PTPDC1: variants seen among roughly 807,000 people sequenced by gnomAD.
The protein encoded by PTPDC1 is protein tyrosine phosphatase domain-containing protein 1.
PTPDC1 carries 53 observed loss-of-function variants against 75.3 expected under a neutral mutation model. The observed-to-expected ratio is 0.70, with a 90% CI of 0.56 to 0.88. The LOEUF (loss-of-function observed/expected upper bound fraction) is 0.88. Ranked by LOEUF, PTPDC1 falls within the 40% of genes least tolerant of loss-of-function variation. The pLI is 0.00. For synonymous variants in PTPDC1, 349 were observed against 366.2 expected, an observed-to-expected ratio of 0.95 and a Z score of 0.54; for missense variants, 925 against 998.6, an observed-to-expected ratio of 0.93 and a Z score of 0.99.
At chr9:94,078,233 T>G (rs976670118) in intron 2 of PTPDC1, among the ~76,000 whole-genome samples, 5 of 152,238 alleles carry the variant, frequency 3.3e-5, no homozygotes, top group Non-Finnish European at 5.9e-5. Context: ...TTTGTTTACC[T>G]GGGAATTCCT....
intron 1 of PTPDC1, among the ~76,000 whole-genome samples, chr9:94,047,595 C>CA (rs1158490850): frequency 6.6e-6 from 1 of 151,992 alleles, no homozygotes; most frequent in Non-Finnish European, 1.5e-5. Context: ...AATAGAGACA[C>CA]AAAAAACCCT....
chr9:94,095,534 T>C (rs1827532285), intron 5 of PTPDC1, 80 bp downstream of exon 5: 5 of 1,178,212 alleles, frequency 4.2e-6, no homozygotes, highest in Non-Finnish European at 6.1e-6. Flanking sequence ...TGAGGGTAAA[T>C]GTTTCTCAGA....
chr9:94,076,816 AT>A (rs1167783944), intron 2 of PTPDC1, among the ~76,000 whole-genome samples: 3 of 150,922 alleles, frequency 2.0e-5, no homozygotes, highest in Non-Finnish European at 1.5e-5. Flanking sequence ...AAGGGCTCTC[AT>A]TTTTTTTTAC....
rs953852088 is a variant in PTPDC1 at position 94,102,900 on chromosome 9, G to T, written c.2199+1149G>T. The stretch of plus-strand genomic sequence containing the variant: ...GCCTGTTTTTGTTTTAACAAACAAT[G>T]TTATTGAATAACCAGCCTTGAGTTA... On this transcript the variant is annotated intron_variant, in intron 7 of 8. Coordinates refer to ENST00000620992, the MANE Select transcript of PTPDC1 (RefSeq NM_001253829.2). Among the ~76,000 whole-genome samples the T allele has an allele frequency of 2.6e-5, 4 of 152,012 alleles. No homozygotes were observed. In the East Asian group the frequency reaches 5.8e-4, roughly 22 times the overall value.
At chr9:94,035,311 G>A (rs1472143017) in intron 1 of PTPDC1, among the ~76,000 whole-genome samples, 1 of 152,068 alleles carries the variant, frequency 6.6e-6, no homozygotes, top group South Asian at 2.1e-4. Flanking sequence ...GTACCCTTTT[G>A]CCTTCATCTT....
At chr9:94,064,840 A>T (rs763459694) in intron 2 of PTPDC1, 1 of 1,573,636 alleles carries the variant, frequency 6.4e-7, no homozygotes, top group Admixed American at 1.7e-5. Flanking sequence ...TCTTTAATAC[A>T]CTTTTTGTCT....
intron 2 of PTPDC1, among the ~76,000 whole-genome samples, 176 bp from the exon 3 acceptor site, chr9:94,087,655 T>C (rs925935117): frequency 2.0e-5 from 3 of 152,204 alleles, no homozygotes; most frequent in African/African-American, 7.2e-5. Context: ...TTGTTTTGAT[T>C]TTATTGAACC....
intron 2 of PTPDC1, among the ~76,000 whole-genome samples, chr9:94,076,229 C>T (rs1386318735): frequency 6.6e-6 from 1 of 152,142 alleles, no homozygotes; most frequent in Non-Finnish European, 1.5e-5. Flanking sequence ...GTCTCTAACT[C>T]CCGGCCTCAG....
upstream of PTPDC1, among the ~76,000 whole-genome samples, chr9:94,080,105 T>C (rs910208053): frequency 1.1e-4 from 17 of 152,074 alleles, no homozygotes; most frequent in African/African-American, 3.6e-4. Context: ...TATTGGAACA[T>C]AGGCAGGATG....
At chr9:94,097,016 C>G (rs1381585583) in intron 5 of PTPDC1, among the ~76,000 whole-genome samples, 1 of 152,146 alleles carries the variant, frequency 6.6e-6, no homozygotes, top group Non-Finnish European at 1.5e-5. Flanking sequence ...AGTTTCCCTT[C>G]CCTCCTGCAC....
chr9:94,085,521 T>C, intron 2 of PTPDC1, 99 bp downstream of exon 2: 1 of 1,332,466 alleles, frequency 7.5e-7, no homozygotes, highest in Non-Finnish European at 1.0e-6. Context: ...AGTGTGGGAC[T>C]TTGAAGTCAG....
chr9:94,054,493 G>A (rs1025440695), intron 1 of PTPDC1, among the ~76,000 whole-genome samples: 1 of 152,166 alleles, frequency 6.6e-6, no homozygotes, highest in Non-Finnish European at 1.5e-5. Flanking sequence ...GGATTTTATA[G>A]TCTTACATTT....
intron 8 of PTPDC1, among the ~76,000 whole-genome samples, chr9:94,106,230 G>C (rs1206268064): frequency 6.6e-6 from 1 of 152,054 alleles, no homozygotes; most frequent in Non-Finnish European, 1.5e-5. Context: ...GTTTTCCTTG[G>C]GTCTCTCATG....
At chr9:94,098,948 G>A (rs1232269779) in intron 6 of PTPDC1, among the ~76,000 whole-genome samples, 1 of 152,204 alleles carries the variant, frequency 6.6e-6, no homozygotes, top group African/African-American at 2.4e-5. Context: ...ATCATACTTT[G>A]AGAACTACTG....
In PTPDC1 at chr9:94,084,777, C is replaced by T; in HGVS notation, c.244+3C>T. ...TTTCCCCGAAAGAAAAAGTAAAGGT[C>T]TCTTTCTTCTTATAGATTGCCATAC... On this transcript the variant is annotated splice_donor_region_variant and intron_variant, in intron 1 of 8. Transcript: ENST00000620992. 1.9e-6 allele frequency: 3 copies of T among 1,545,892 alleles called. No homozygotes were observed. Among genetic ancestry groups the T allele is most frequent in the Non-Finnish European group, 2.6e-6 (3 of 1,145,854 alleles).
intron 4 of PTPDC1, 132 bp from the exon 5 acceptor site, chr9:94,095,185 T>A: frequency 1.7e-6 from 1 of 596,544 alleles, no homozygotes; most frequent in Non-Finnish European, 2.8e-6. Context: ...AAAATCCCTC[T>A]TATTTTATGC....
chr9:94,048,571 A>T (rs1025639380), intron 1 of PTPDC1, among the ~76,000 whole-genome samples: 43 of 152,230 alleles, frequency 2.8e-4, no homozygotes, highest in African/African-American at 9.6e-4. Context: ...TCTGAGAGAC[A>T]GTTTGTTACA....
chr9:94,055,699 C>G (rs1430803008), intron 1 of PTPDC1, among the ~76,000 whole-genome samples: 2 of 152,038 alleles, frequency 1.3e-5, no homozygotes, highest in African/African-American at 4.8e-5. Flanking sequence ...ACATGTATAC[C>G]TATCTATCAA....
At chr9:94,078,128 G>A (rs557589815) in intron 2 of PTPDC1, among the ~76,000 whole-genome samples, 1 of 152,194 alleles carries the variant, frequency 6.6e-6, no homozygotes, top group Admixed American at 6.5e-5. Context: ...TCTTTCACAT[G>A]GATTCACATT....
Sources: gnomAD v4.1 joint callset for allele counts (sites outside exome capture counted in the v4.1 genomes callset) on GRCh38, gnomAD v4.1.1 for gene constraint, MANE v1.5 for transcripts, NCBI Gene and HGNC (gene_info 2026-07-23, HGNC 2026-07-21) for gene names.